FBXL7: variants seen among roughly 807,000 people sequenced by gnomAD.
The protein encoded by FBXL7 is F-box/LRR-repeat protein 7.
In FBXL7, 12 loss-of-function variants were observed where a neutral mutation model predicts 38.3. The observed-to-expected ratio is 0.31, with a 90% confidence interval of 0.20 to 0.51. The LOEUF is 0.51. Among genes scored for constraint, FBXL7 ranks in the 20% least tolerant of loss-of-function variants. The pLI is 0.98. For synonymous variants in FBXL7, 297 were observed against 300.9 expected, an observed-to-expected ratio of 0.99 and a Z score of 0.13; for missense variants, 567 against 676.4, an observed-to-expected ratio of 0.84 and a Z score of 1.79.
At chr5:15,759,515 A>C (rs1736386543) in intron 2 of FBXL7, among the ~76,000 whole-genome samples, 1 of 152,188 alleles carries the variant, frequency 6.6e-6, no homozygotes, top group African/African-American at 2.4e-5. Flanking sequence ...CCTTACTTGT[A>C]CATAGTAACA....
In FBXL7 at chr5:15,536,431, G is replaced by A. The variant is rs562469218; in HGVS notation, c.37+35718G>A. 5.7e-4 allele frequency among the ~76,000 whole-genome samples: 87 copies of A among 152,342 alleles called. 1 individual carries two copies. The highest frequency in any genetic ancestry group is 1.9e-3 in the African/African-American group (78 of 41,578). On this transcript the variant is annotated intron_variant, in intron 1 of 3. Transcript: ENST00000504595. ...CTGTGGTGGCTGTGCCCTGCAGAGCGACAGAGGTGGAGATGCCTAAGGCCT... is the reference window on the plus strand; with the variant it reads ...CTGTGGTGGCTGTGCCCTGCAGAGCAACAGAGGTGGAGATGCCTAAGGCCT...
At chr5:15,861,912 A>T (rs191748743) in intron 2 of FBXL7, among the ~76,000 whole-genome samples, 1 of 152,364 alleles carries the variant, frequency 6.6e-6, no homozygotes, top group African/African-American at 2.4e-5. Flanking sequence ...ATTTTAATAT[A>T]TGATCAGCCA....
intron 1 of FBXL7, among the ~76,000 whole-genome samples, chr5:15,517,669 G>A (rs556501793): frequency 6.6e-6 from 1 of 152,262 alleles, no homozygotes; most frequent in African/African-American, 2.4e-5. Flanking sequence ...TTTAGCAAGG[G>A]GAGCCTTGAA....
intron 2 of FBXL7, among the ~76,000 whole-genome samples, chr5:15,841,931 A>C (rs1738759576): frequency 6.6e-6 from 1 of 152,256 alleles, no homozygotes; most frequent in South Asian, 2.1e-4. Flanking sequence ...GGTCTGTTTC[A>C]GGGGCGGAGC....
intron 2 of FBXL7, among the ~76,000 whole-genome samples, chr5:15,903,275 C>G (rs1741275819): frequency 6.6e-6 from 1 of 152,180 alleles, no homozygotes; most frequent in South Asian, 2.1e-4. Context: ...GGAGTTCACT[C>G]TAATTCAGGG....
At chr5:15,511,371 A>C (rs549832872) in intron 1 of FBXL7, among the ~76,000 whole-genome samples, 1 of 152,240 alleles carries the variant, frequency 6.6e-6, no homozygotes, top group African/African-American at 2.4e-5. Context: ...AGTAACTTTT[A>C]ATTGGTCTTT....
rs1736458546 is a variant in FBXL7, at chr5:15,500,517, T to A, written c.-160T>A. On this transcript the variant is annotated 5_prime_UTR_variant, in exon 1 of 4. Transcript: ENST00000504595. ...GAGGGGACGCAGCACCCCCTCCCAC[T>A]GGAGTGCGGGGACCTCTCCAGGCCG... 2.1e-6 allele frequency: 2 copies of A among 939,782 alleles called. No homozygotes were observed. Among genetic ancestry groups the A allele is most frequent in the Admixed American group, 1.8e-5 (1 of 55,012 alleles). 58.2% of individuals were successfully genotyped at this position (939,782 alleles called of 1,614,324 possible). A position where few individuals can be genotyped will look rare whatever the true frequency, so the allele number is the denominator to read the frequency against.
intron 2 of FBXL7, among the ~76,000 whole-genome samples, chr5:15,638,736 G>A (rs1307455316): frequency 6.6e-6 from 1 of 152,082 alleles, no homozygotes; most frequent in Non-Finnish European, 1.5e-5. Flanking sequence ...CCTGGTCCTT[G>A]CAAACCATCG....
chr5:15,636,179 A>G lies in FBXL7; in HGVS notation c.127+20107A>G, dbSNP rs192299050. ...TATAAATTGGAAAATTTTAAAGTAC[A>G]GATCCTTTGCAGATCAAGAAATTCT... On this transcript the variant is annotated intron_variant, in intron 2 of 3. Transcript: ENST00000504595. Among the ~76,000 whole-genome samples, 143 of 152,088 alleles carry G rather than the reference A, an allele frequency of 9.4e-4. 1 individual carries two copies. The highest frequency in any genetic ancestry group is 1.5e-3 in the Non-Finnish European group (105 of 67,996).
In FBXL7 at chr5:15,500,754, C is replaced by T. The variant is rs772249605; in HGVS notation, c.37+41C>T. 4.4e-6 allele frequency: 7 copies of T among 1,595,714 alleles called. No individual in the cohort carries two copies. The East Asian group carries it at 1.6e-4, about 37-fold the overall frequency. On this transcript the variant is annotated intron_variant, in intron 1 of 3. Coordinates refer to ENST00000504595, the MANE Select transcript of FBXL7 (RefSeq NM_012304.5). ...GTCCTCAGACTCCCGGATCGCGTCC[C>T]TCCTCCCCTTTCCCTCGCCCTCCCG...
At chr5:15,512,822 G>GT (rs1414636351) in intron 1 of FBXL7, among the ~76,000 whole-genome samples, 1 of 151,966 alleles carries the variant, frequency 6.6e-6, no homozygotes, top group Non-Finnish European at 1.5e-5. Flanking sequence ...AAATTATGTT[G>GT]TTTTGTAGTA....
At chr5:15,706,717 G>A (rs1196592457) in intron 2 of FBXL7, among the ~76,000 whole-genome samples, 2 of 152,190 alleles carry the variant, frequency 1.3e-5, no homozygotes, top group Non-Finnish European at 2.9e-5. Flanking sequence ...CTACCTGGAA[G>A]TGGGTTAAAA....
intron 1 of FBXL7, among the ~76,000 whole-genome samples, chr5:15,591,957 G>A (rs572961847): frequency 1.1e-4 from 17 of 152,218 alleles, no homozygotes; most frequent in African/African-American, 3.1e-4. Context: ...TGATCCGCCC[G>A]CCTTGGCCTC....
intron 1 of FBXL7, among the ~76,000 whole-genome samples, chr5:15,532,277 A>G (rs1737453464): frequency 6.6e-6 from 1 of 152,238 alleles, no homozygotes; most frequent in East Asian, 1.9e-4. Flanking sequence ...TCCCATTTTA[A>G]TAATATTGCC....
chr5:15,766,430 A>G (rs1736594873), intron 2 of FBXL7, among the ~76,000 whole-genome samples: 1 of 152,228 alleles, frequency 6.6e-6, no homozygotes, highest in Non-Finnish European at 1.5e-5. Context: ...GAAAGCACCT[A>G]GTCAAGGTTT....
chr5:15,718,009 G>A (rs1021397459), intron 2 of FBXL7, among the ~76,000 whole-genome samples: 2 of 152,184 alleles, frequency 1.3e-5, no homozygotes, highest in South Asian at 4.1e-4. Context: ...TTTTCTGCAT[G>A]TAATAATTGA....
chr5:15,820,868 C>A (rs1738150606), intron 2 of FBXL7, among the ~76,000 whole-genome samples: 1 of 152,072 alleles, frequency 6.6e-6, no homozygotes, highest in Non-Finnish European at 1.5e-5. Flanking sequence ...TCATCCCACA[C>A]CCCCAAACTC....
chr5:15,684,707 G>A (rs1742960504), intron 2 of FBXL7, among the ~76,000 whole-genome samples: 1 of 152,162 alleles, frequency 6.6e-6, no homozygotes, highest in African/African-American at 2.4e-5. Context: ...AGTTGTCAAA[G>A]TCAGAGATAG....
chr5:15,647,240 T>G (rs911915789), intron 2 of FBXL7, among the ~76,000 whole-genome samples: 1 of 152,228 alleles, frequency 6.6e-6, no homozygotes, highest in Non-Finnish European at 1.5e-5. Flanking sequence ...ATTCTTATGG[T>G]TTAAATCGGA....
Sources: gnomAD v4.1 joint callset for allele counts (sites outside exome capture counted in the v4.1 genomes callset) on GRCh38, gnomAD v4.1.1 for gene constraint, MANE v1.5 for transcripts, NCBI Gene and HGNC (gene_info 2026-07-23, HGNC 2026-07-21) for gene names.